SNX3: variants seen among roughly 807,000 people sequenced by gnomAD.
The protein encoded by SNX3 is sorting nexin-3.
A neutral mutation model predicts 17.7 loss-of-function variants in SNX3; 5 were observed. The ratio of observed to expected loss-of-function variants is 0.28; its 90% confidence interval spans 0.15 to 0.59. SNX3 has a LOEUF of 0.59. Among genes scored for constraint, SNX3 ranks in the 20% least tolerant of loss-of-function variants. The pLI is 0.88. For synonymous variants in SNX3, 91 were observed against 76.5 expected, an observed-to-expected ratio of 1.19 and a Z score of -0.99; for missense variants, 132 against 206.8, an observed-to-expected ratio of 0.64 and a Z score of 2.22.
At chr6:108,236,845 A>T (rs1194611189) in intron 1 of SNX3, among the ~76,000 whole-genome samples, 2 of 152,224 alleles carry the variant, frequency 1.3e-5, no homozygotes, top group Non-Finnish European at 2.9e-5. Flanking sequence ...AGTCAGAGTG[A>T]TTAGCTATAA....
Position 108,260,269 on chromosome 6 carries a change from C to T in SNX3, c.162+491G>A, listed in dbSNP as rs368487653. ...GGCTTCTGTGAACTTTCATTAAGTC[C>T]CGTTCAGAAGACTGCACAACCCAGG... On this transcript the variant is annotated intron_variant, in intron 1 of 3. Transcript: ENST00000230085. Among the ~76,000 whole-genome samples the T allele has an allele frequency of 1.6e-3, 250 of 152,260 alleles. No homozygotes were observed. The Middle Eastern group carries it at 0.034, about 21-fold the overall frequency.
intron 2 of SNX3, among the ~76,000 whole-genome samples, chr6:108,218,009 G>T (rs1244158827): frequency 1.3e-5 from 2 of 152,142 alleles, no homozygotes; most frequent in African/African-American, 4.8e-5. Context: ...TGTAATACGA[G>T]TAAAACTTTC....
chr6:108,235,940 G>C (rs936885834), intron 1 of SNX3, among the ~76,000 whole-genome samples: 4 of 152,112 alleles, frequency 2.6e-5, no homozygotes, highest in African/African-American at 7.2e-5. Context: ...TCGCTGTTTA[G>C]TTCTTTTCTA....
intron 1 of SNX3, among the ~76,000 whole-genome samples, chr6:108,228,005 A>G (rs56108023): frequency 0.072 from 10,887 of 152,194 alleles, 1,341 homozygotes; most frequent in African/African-American, 0.25. Flanking sequence ...ATGCTAGATA[A>G]GGGAGAATCA....
At chr6:108,239,356 C>G (rs991652576) in intron 1 of SNX3, among the ~76,000 whole-genome samples, 1 of 152,214 alleles carries the variant, frequency 6.6e-6, no homozygotes, top group South Asian at 2.1e-4. Flanking sequence ...TTAAAATGAG[C>G]CAGGTGCAGT....
chr6:108,258,480 C>A (rs1032867811), intron 1 of SNX3, among the ~76,000 whole-genome samples: 8 of 150,414 alleles, frequency 5.3e-5, no homozygotes, highest in African/African-American at 1.7e-4. Context: ...AAAAAATTTT[C>A]TTTAACATGT....
In SNX3 at chr6:108,229,783, T is replaced by C. The variant is rs551133789; in HGVS notation, c.163-6738A>G. On this transcript the variant is annotated intron_variant, in intron 1 of 3. Transcript: ENST00000230085. Reference sequence around the variant, plus strand: ...ACAGTGTATATTTAGTATATAATTCTTGAATATTCTAAAGCATAGGGAATG... The same window carrying C: ...ACAGTGTATATTTAGTATATAATTCCTGAATATTCTAAAGCATAGGGAATG... Among the ~76,000 whole-genome samples, 10 of 152,334 alleles carry C rather than the reference T, an allele frequency of 6.6e-5. No individual in the cohort carries two copies. The South Asian group carries it at 1.0e-3, about 16-fold the overall frequency.
intron 1 of SNX3, among the ~76,000 whole-genome samples, chr6:108,246,487 AT>A (rs1164278475): frequency 1.8e-3 from 253 of 138,888 alleles, no homozygotes; most frequent in Admixed American, 2.0e-3. Context: ...ACCATGCCTA[AT>A]TTTTTTTTTT....
chr6:108,241,120 A>G (rs368212104), intron 1 of SNX3, among the ~76,000 whole-genome samples: 10 of 129,048 alleles, frequency 7.7e-5, no homozygotes, highest in African/African-American at 2.4e-4. Flanking sequence ...CTCGAGCCTG[A>G]GCGATAGAGC....
intron 1 of SNX3, among the ~76,000 whole-genome samples, chr6:108,237,043 A>T (rs1025033795): frequency 5.3e-5 from 8 of 152,226 alleles, no homozygotes; most frequent in African/African-American, 1.9e-4. Context: ...AATGGAAAGT[A>T]ACTCTTTGTC....
chr6:108,244,145 CT>C (rs1261289612), intron 1 of SNX3, among the ~76,000 whole-genome samples: 1 of 151,990 alleles, frequency 6.6e-6, no homozygotes, highest in African/African-American at 2.4e-5. Flanking sequence ...CTCTCCAGTT[CT>C]CCCCCGCTTT....
chr6:108,215,023 G>A (rs949620092), intron 2 of SNX3, among the ~76,000 whole-genome samples: 2 of 152,176 alleles, frequency 1.3e-5, no homozygotes, highest in South Asian at 2.1e-4. Flanking sequence ...ATGAAGAAAC[G>A]TTAATGTTCT....
intron 1 of SNX3, among the ~76,000 whole-genome samples, chr6:108,228,064 C>T (rs1249225531): frequency 6.6e-6 from 1 of 151,960 alleles, no homozygotes; most frequent in African/African-American, 2.4e-5. Context: ...ATGAAACATA[C>T]ACCAATCAAG....
chr6:108,238,608 T>C (rs1216455324), intron 1 of SNX3, among the ~76,000 whole-genome samples: 1 of 152,084 alleles, frequency 6.6e-6, no homozygotes, highest in Non-Finnish European at 1.5e-5. Context: ...TCAACCGCCA[T>C]AAAAAAGAAA....
intron 2 of SNX3, among the ~76,000 whole-genome samples, chr6:108,218,648 T>C (rs929775379): frequency 6.6e-6 from 1 of 152,236 alleles, no homozygotes; most frequent in African/African-American, 2.4e-5. Context: ...TAAGATGTGG[T>C]ATAAGCATAC....
chr6:108,255,983 A>C (rs939286612), intron 1 of SNX3, among the ~76,000 whole-genome samples: 14 of 152,314 alleles, frequency 9.2e-5, no homozygotes, highest in African/African-American at 3.4e-4. Context: ...TAATCCTAGC[A>C]GTTTTGGAGG....
chr6:108,257,647 GT>G (rs1209668549), intron 1 of SNX3, among the ~76,000 whole-genome samples: 2 of 152,172 alleles, frequency 1.3e-5, no homozygotes, highest in African/African-American at 4.8e-5. Flanking sequence ...GGTGTCCTTA[GT>G]TTTAAGTTAA....
At position 108,223,142 on chromosome 6, in the gene SNX3, TC is replaced by T. The variant is rs540215519; in HGVS notation, c.163-98del. Reference sequence around the variant, plus strand: ...GGCAAAACAAAAGAAATCATGACTTTCTTTTTCTTTTTTTGAGACAGAATCT... The same window carrying T: ...GGCAAAACAAAAGAAATCATGACTTTTTTTTCTTTTTTTGAGACAGAATCT... On this transcript the variant is annotated intron_variant, in intron 1 of 3. Coordinates refer to ENST00000230085, the MANE Select transcript of SNX3 (RefSeq NM_003795.6). 9.3e-4 allele frequency: 619 copies of T among 663,284 alleles called. 9 individuals carry two copies. Among genetic ancestry groups the T allele is most frequent in the South Asian group, 5.3e-3 (297 of 55,672 alleles). 41.1% of individuals were successfully genotyped at this position (663,284 alleles called of 1,614,324 possible). A position where few individuals can be genotyped will look rare whatever the true frequency, so the allele number is the denominator to read the frequency against.
At chr6:108,221,348 C>T (rs909683522) in intron 2 of SNX3, among the ~76,000 whole-genome samples, 2 of 151,522 alleles carry the variant, frequency 1.3e-5, no homozygotes, top group Non-Finnish European at 1.5e-5. Context: ...TCAACAACCC[C>T]CTCCCCCGCA....
Sources: allele counts gnomAD v4.1 joint callset (sites outside exome capture counted in the v4.1 genomes callset), GRCh38; gene constraint gnomAD v4.1.1; transcripts MANE v1.5; gene names NCBI Gene and HGNC (gene_info 2026-07-23, HGNC 2026-07-21).